Variants in PDS5B observed in about 807,000 individuals in gnomAD.
The protein encoded by PDS5B is PDS5 cohesin associated factor B.
A neutral mutation model predicts 184.1 loss-of-function variants in PDS5B; 51 were observed. That is an observed-to-expected ratio of 0.28 (90% CI 0.22 to 0.35). The LOEUF (loss-of-function observed/expected upper bound fraction) is 0.35, where lower values mean the gene tolerates loss of function less well. Ranked by LOEUF, PDS5B falls within the 10% of genes least tolerant of loss-of-function variation. The pLI is 1.00. For missense variants in PDS5B, 1,180 were observed against 1,723.3 expected (o/e 0.68, Z 5.58); for synonymous variants, 566 against 569.2 (o/e 0.99, Z 0.08).
intron 14 of PDS5B, among the ~76,000 whole-genome samples, chr13:32,696,548 TA>T (rs534448060): frequency 5.6e-4 from 79 of 140,160 alleles, no homozygotes; most frequent in Admixed American, 5.0e-4. Flanking sequence ...CTTTCAGCTC[TA>T]AAAAAAAAAA....
At chr13:32,714,143 G>A (rs1051338069) in intron 19 of PDS5B, among the ~76,000 whole-genome samples, 5 of 152,090 alleles carry the variant, frequency 3.3e-5, no homozygotes, top group Non-Finnish European at 7.3e-5. Context: ...TACTTAACAG[G>A]GTAATAGAAT....
intron 19 of PDS5B, among the ~76,000 whole-genome samples, chr13:32,710,974 CATTATT>C (rs1449742079): frequency 2.0e-5 from 3 of 151,946 alleles, no homozygotes; most frequent in Non-Finnish European, 2.9e-5. Context: ...AGAACAAAGG[CATTATT>C]ATTATTTTCT....
At chr13:32,604,426 A>C (rs146260234) in intron 1 of PDS5B, among the ~76,000 whole-genome samples, 2,100 of 152,308 alleles carry the variant, frequency 0.014, 45 homozygotes, top group African/African-American at 0.048. Flanking sequence ...GGATGAAGCC[A>C]ACTTGATCAT....
intron 19 of PDS5B, among the ~76,000 whole-genome samples, chr13:32,724,005 C>T (rs937586676): frequency 1.6e-4 from 24 of 152,212 alleles, no homozygotes; most frequent in Non-Finnish European, 3.4e-4. Context: ...TCCCTTGCTC[C>T]TCTTATATTT....
In PDS5B at chr13:32,624,414, A is replaced by C. The variant is rs116067948; in HGVS notation, c.-19-24340A>C. ...AAACTAGTCGTGTTTAATCTGCTTGACCTGTCCATTGAGGTTTTGAAATCA... is the reference window on the plus strand; with the variant it reads ...AAACTAGTCGTGTTTAATCTGCTTGCCCTGTCCATTGAGGTTTTGAAATCA... On this transcript the variant is annotated intron_variant, in intron 1 of 34. Coordinates refer to ENST00000315596, the MANE Select transcript of PDS5B (RefSeq NM_015032.4). Among the ~76,000 whole-genome samples, 372 of 152,014 alleles carry C rather than the reference A, an allele frequency of 2.4e-3. 2 individuals carry two copies. The highest frequency in any genetic ancestry group is 8.5e-3 in the African/African-American group (351 of 41,470).
chr13:32,678,569 T>C (rs1188220046), intron 9 of PDS5B, among the ~76,000 whole-genome samples: 1 of 152,210 alleles, frequency 6.6e-6, no homozygotes, highest in Non-Finnish European at 1.5e-5. Flanking sequence ...TTATCATTCT[T>C]ATATTTGAGC....
At chr13:32,740,503 C>G (rs1206185805) in intron 21 of PDS5B, among the ~76,000 whole-genome samples, 1 of 152,080 alleles carries the variant, frequency 6.6e-6, no homozygotes, top group East Asian at 1.9e-4. Context: ...AATTCCTGTT[C>G]TTTGACCTGA....
intron 1 of PDS5B, among the ~76,000 whole-genome samples, chr13:32,628,299 G>A (rs1269333872): frequency 2.6e-5 from 4 of 152,080 alleles, no homozygotes; most frequent in African/African-American, 9.7e-5. Flanking sequence ...ACTCACGCCT[G>A]TAATCTTAGC....
intron 31 of PDS5B, among the ~76,000 whole-genome samples, chr13:32,767,646 G>T (rs576994791): frequency 1.5e-4 from 23 of 152,122 alleles, no homozygotes; most frequent in Non-Finnish European, 2.6e-4. Flanking sequence ...GAAATAGGGA[G>T]TACCTATATG....
intron 24 of PDS5B, 119 bp from the exon 25 acceptor site, chr13:32,753,213 A>G (rs1463377670): frequency 9.9e-6 from 7 of 707,782 alleles, no homozygotes; most frequent in African/African-American, 3.6e-5. Flanking sequence ...GCAGTGAAGC[A>G]ATTATTGTAG....
chr13:32,661,243 G>T (rs1950633666), intron 6 of PDS5B, among the ~76,000 whole-genome samples: 1 of 151,700 alleles, frequency 6.6e-6, no homozygotes, highest in Non-Finnish European at 1.5e-5. Flanking sequence ...AATTAGCCAG[G>T]CGTGGCAGCA....
intron 1 of PDS5B, among the ~76,000 whole-genome samples, chr13:32,642,641 ACCTCCCTCTTTG>A (rs1172737118): frequency 1.3e-5 from 2 of 151,704 alleles, no homozygotes; most frequent in Non-Finnish European, 2.9e-5. Context: ...AAATTGAGTA[ACCTCCCTCTTTG>A]TTGTCTCTTT....
intron 1 of PDS5B, among the ~76,000 whole-genome samples, chr13:32,588,045 GT>G: frequency 6.6e-6 from 1 of 152,270 alleles, no homozygotes; most frequent in South Asian, 2.1e-4. Flanking sequence ...CAGACAGAAC[GT>G]TTTTTATATT....
chr13:32,605,894 G>C (rs2058052712), intron 1 of PDS5B, among the ~76,000 whole-genome samples: 1 of 137,480 alleles, frequency 7.3e-6, no homozygotes, highest in Admixed American at 7.2e-5. Flanking sequence ...TGCAACCCCT[G>C]CTTTTTTTTT....
rs1954061082 is a variant in PDS5B at position 32,753,519 on chromosome 13, A to G, written c.2924A>G (p.Gln975Arg). 1 of 1,612,956 alleles carries G rather than the reference A, an allele frequency of 6.2e-7. No homozygotes were observed. The highest frequency in any genetic ancestry group is 1.1e-5 in the South Asian group (1 of 90,976). The change falls in exon 25 of 35, where the codon CAG becomes CGG. Residue 975 changes from glutamine to arginine, a missense_variant. Coordinates refer to ENST00000315596, the MANE Select transcript of PDS5B (RefSeq NM_015032.4). The part of the protein sequence containing the change: ...NINVRREYLK[Q>R]HAAVSEKLLS... ...AATGTAAGGCGGGAGTATCTGAAGC[A>G]GCATGCAGCTGTTAGTGGTAAGCAT...
At chr13:32,636,182 C>T (rs1360399076) in intron 1 of PDS5B, among the ~76,000 whole-genome samples, 2 of 152,182 alleles carry the variant, frequency 1.3e-5, no homozygotes, top group East Asian at 1.9e-4. Context: ...TGACTGTATG[C>T]GAGTTCGTCA....
chr13:32,725,297 GT>G (rs1952859627), intron 19 of PDS5B, among the ~76,000 whole-genome samples: 2 of 152,150 alleles, frequency 1.3e-5, no homozygotes, highest in Non-Finnish European at 2.9e-5. Context: ...GCATATTTGT[GT>G]TTCAGTCAGT....
chr13:32,725,780 A>G (rs1952876826), intron 19 of PDS5B, among the ~76,000 whole-genome samples: 1 of 152,168 alleles, frequency 6.6e-6, no homozygotes, highest in Non-Finnish European at 1.5e-5. Context: ...GCTTTATCTC[A>G]TAATACATCC....
At chr13:32,765,239 T>C (rs1399523516) in intron 31 of PDS5B, among the ~76,000 whole-genome samples, 4 of 152,228 alleles carry the variant, frequency 2.6e-5, no homozygotes, top group African/African-American at 7.2e-5. Context: ...TCAGATCATT[T>C]CCTTAATAAC....
Sources: gnomAD v4.1 joint callset for allele counts (sites outside exome capture counted in the v4.1 genomes callset) on GRCh38, gnomAD v4.1.1 for gene constraint, MANE v1.5 for transcripts, NCBI Gene and HGNC (gene_info 2026-07-23, HGNC 2026-07-21) for gene names.